MYH10: variants seen among roughly 807,000 people sequenced by gnomAD.
MYH10 encodes myosin heavy chain 10, also known as myosin-10.
In MYH10, 55 loss-of-function variants were observed where a neutral mutation model predicts 257.8. That is an observed-to-expected ratio of 0.21 (90% CI 0.17 to 0.27). The LOEUF (loss-of-function observed/expected upper bound fraction) is 0.27, where lower values mean the gene tolerates loss of function less well. MYH10 is among the 10% of genes least tolerant of loss of function. The pLI, the probability that MYH10 is intolerant of heterozygous loss-of-function variation, is 1.00. For missense variants in MYH10, 1,631 were observed against 2,500.6 expected (o/e 0.65, Z 7.42); for synonymous variants, 854 against 921.7 (o/e 0.93, Z 1.33).
intron 9 of MYH10, among the ~76,000 whole-genome samples, chr17:8,550,418 C>G (rs2082595083): frequency 1.3e-5 from 2 of 151,944 alleles, no homozygotes; most frequent in Admixed American, 6.5e-5. Context: ...TGCCCGGCCG[C>G]CCCGTCTGAG....
At chr17:8,603,707 AT>A (rs1389219102) in intron 3 of MYH10, among the ~76,000 whole-genome samples, 1 of 152,154 alleles carries the variant, frequency 6.6e-6, no homozygotes, top group Non-Finnish European at 1.5e-5. Context: ...TTCATTCTCC[AT>A]CTCTAACAGC....
At position 8,475,754 on chromosome 17, in the gene MYH10, G is replaced by A. The variant is rs1221692547; in HGVS notation, c.*50C>T. The A allele has an allele frequency of 6.3e-7, 1 of 1,582,850 alleles. No individual in the cohort carries two copies. The highest frequency in any genetic ancestry group is 8.6e-7 in the Non-Finnish European group (1 of 1,161,672). ...TTCCGAAATCTGCAGGAGGCCCCGG[G>A]TGCATTCCTAACTGTCCCACTGTAT... is the stretch of plus-strand genomic sequence containing the variant. On this transcript the variant is annotated 3_prime_UTR_variant, in exon 43 of 43. Coordinates refer to ENST00000360416, the MANE Select transcript of MYH10 (RefSeq NM_001256012.3).
chr17:8,608,836 G>T (rs1344373768), intron 2 of MYH10, among the ~76,000 whole-genome samples: 1 of 150,148 alleles, frequency 6.7e-6, no homozygotes, highest in Non-Finnish European at 1.5e-5. Context: ...TTTTGAGACG[G>T]AGTCTCGCTC....
At position 8,554,120 on chromosome 17, in the gene MYH10, A is replaced by C. The variant is rs566601535; in HGVS notation, c.757-102T>G. 2.2e-5 allele frequency: 17 copies of C among 785,858 alleles called. 1 individual carries two copies. The South Asian group carries it at 2.3e-4, about 11-fold the overall frequency. The allele number at this position is 785,858 out of a possible 1,614,324, so 48.7% of individuals were successfully genotyped here. On this transcript the variant is annotated intron_variant, in intron 7 of 42. Coordinates refer to ENST00000360416, the MANE Select transcript of MYH10 (RefSeq NM_001256012.3). ...CAACAAGTATCCATGAATTAGTTAC[A>C]ATAATGGATCTTATATATTGCCTCA...
At chr17:8,618,530 C>T (rs374643652) in intron 2 of MYH10, among the ~76,000 whole-genome samples, 1 of 152,106 alleles carries the variant, frequency 6.6e-6, no homozygotes, top group Admixed American at 6.5e-5. Flanking sequence ...TTAGTCACTG[C>T]GACTGGCCAA....
rs1250881552 is a variant in MYH10 at position 8,552,726 on chromosome 17, T to C, written c.821-582A>G. Among the ~76,000 whole-genome samples, 3 of 152,158 alleles carry C rather than the reference T, an allele frequency of 2.0e-5. No homozygotes were observed. The highest frequency in any genetic ancestry group is 4.4e-5 in the Non-Finnish European group (3 of 68,014). On this transcript the variant is annotated intron_variant, in intron 8 of 42. Coordinates refer to ENST00000360416, the MANE Select transcript of MYH10 (RefSeq NM_001256012.3). The surrounding 1 kb of genome is among the most constrained non-coding windows in gnomAD (Gnocchi z 4.8). ...CTCGCCCTTCACACTCAGCAGCACA[T>C]GTAACTTTCCCATATGCCTTGACAG...
At chr17:8,586,901 T>C (rs2083932423) in intron 4 of MYH10, among the ~76,000 whole-genome samples, 1 of 152,100 alleles carries the variant, frequency 6.6e-6, no homozygotes, top group Non-Finnish European at 1.5e-5. Context: ...CCACGGTGGA[T>C]CAGCTAAAGT....
chr17:8,617,162 C>T (rs951341372), intron 2 of MYH10, among the ~76,000 whole-genome samples: 1 of 152,058 alleles, frequency 6.6e-6, no homozygotes, highest in Non-Finnish European at 1.5e-5. Context: ...AAATTCCCTT[C>T]CCCTCTGGCT....
chr17:8,509,576 T>C (rs544456684), intron 25 of MYH10, among the ~76,000 whole-genome samples: 11 of 152,306 alleles, frequency 7.2e-5, no homozygotes, highest in Middle Eastern at 6.8e-3. Context: ...ATGCACAAAC[T>C]GCACATGTTA....
intron 7 of MYH10, chr17:8,554,250 A>G (rs888330193): frequency 3.6e-6 from 1 of 275,702 alleles, no homozygotes; most frequent in African/African-American, 2.2e-5. Flanking sequence ...AGAAATTATT[A>G]ATAAAAGAAA....
At chr17:8,511,050 A>ATG (rs1567823516) in intron 24 of MYH10, 1 of 115,340 alleles carries the variant, frequency 8.7e-6, no homozygotes, top group African/African-American at 4.1e-5. Context: ...ATATATATAT[A>ATG]TATATATATA....
intron 3 of MYH10, among the ~76,000 whole-genome samples, chr17:8,602,455 T>C (rs1000700968): frequency 6.6e-6 from 1 of 152,190 alleles, no homozygotes; most frequent in Non-Finnish European, 1.5e-5. Flanking sequence ...AAGACCTAGA[T>C]TGATTGGCAT....
chr17:8,614,414 G>A (rs1466229240), intron 2 of MYH10, among the ~76,000 whole-genome samples: 1 of 144,100 alleles, frequency 6.9e-6, no homozygotes, highest in African/African-American at 2.6e-5. Context: ...TGCCTTCCCG[G>A]TTCAGGCTAT....
intron 21 of MYH10, among the ~76,000 whole-genome samples, chr17:8,515,988 A>G (rs2081456461): frequency 6.6e-6 from 1 of 152,240 alleles, no homozygotes; most frequent in South Asian, 2.1e-4. Context: ...TCTTCTTATT[A>G]AAAACTACTG....
intron 3 of MYH10, among the ~76,000 whole-genome samples, chr17:8,590,018 G>A (rs895258308): frequency 6.6e-5 from 10 of 152,268 alleles, no homozygotes; most frequent in East Asian, 5.8e-4. Context: ...TCAACAATAC[G>A]AAACAAGTTT....
chr17:8,550,287 G>C (rs1051454579), intron 9 of MYH10, among the ~76,000 whole-genome samples: 1 of 151,432 alleles, frequency 6.6e-6, no homozygotes, highest in African/African-American at 2.4e-5. Flanking sequence ...AGTGAGGAGC[G>C]TCTCTGCCCG....
At chr17:8,559,392 C>T (rs1234988702) in intron 7 of MYH10, among the ~76,000 whole-genome samples, 1 of 137,378 alleles carries the variant, frequency 7.3e-6, no homozygotes, top group African/African-American at 2.7e-5. Flanking sequence ...ACTTGAAAGA[C>T]AATGCAATAT....
chr17:8,579,158 A>T (rs552599548), intron 4 of MYH10, among the ~76,000 whole-genome samples: 6 of 152,210 alleles, frequency 3.9e-5, no homozygotes, highest in African/African-American at 1.4e-4. Context: ...TCCCACCTGT[A>T]GTCCCAGCTA....
chr17:8,477,666 G>A lies in MYH10; in HGVS notation c.5707-618C>T, dbSNP rs534702729. ...GGTGGGGGTGGGAAGGGAAGGCCAG[G>A]TTGCCTGACTGAATGAATGAAGTTG... On this transcript the variant is annotated intron_variant, in intron 41 of 42. Transcript: ENST00000360416. The surrounding 1 kb of genome is among the most constrained non-coding windows in gnomAD (Gnocchi z 4.2). Among the ~76,000 whole-genome samples, 13 of 152,288 alleles carry A rather than the reference G, an allele frequency of 8.5e-5. No individual in the cohort carries two copies. Among genetic ancestry groups the A allele is most frequent in the Non-Finnish European group, 1.6e-4 (11 of 68,028 alleles).
Sources: allele counts gnomAD v4.1 joint callset (sites outside exome capture counted in the v4.1 genomes callset), GRCh38; gene constraint gnomAD v4.1.1; non-coding constraint Gnocchi (gnomAD v3.1); transcripts MANE v1.5; gene names NCBI Gene and HGNC (gene_info 2026-07-23, HGNC 2026-07-21).